CUX1: variants seen among roughly 807,000 people sequenced by gnomAD.
The protein encoded by CUX1 is cut like homeobox 1.
In CUX1, 31 loss-of-function variants were observed where a neutral mutation model predicts 158.8. The ratio of observed to expected loss-of-function variants is 0.20; its 90% CI spans 0.15 to 0.26. The LOEUF is 0.26. Ranked by LOEUF, CUX1 falls within the 10% of genes least tolerant of loss-of-function variation. The pLI is 1.00. For missense variants in CUX1, 1,589 were observed against 2,014.6 expected (o/e 0.79, Z 4.04); for synonymous variants, 879 against 862.1 (o/e 1.02, Z -0.34).
At chr7:102,105,502 A>G (rs997688873) in intron 6 of CUX1, among the ~76,000 whole-genome samples, 1 of 93,484 alleles carries the variant, frequency 1.1e-5, no homozygotes, top group Non-Finnish European at 2.1e-5. Context: ...AACCATATAG[A>G]TCTTTTTTTT....
chr7:101,901,788 C>G (rs1475404506), intron 1 of CUX1, among the ~76,000 whole-genome samples: 2 of 152,244 alleles, frequency 1.3e-5, no homozygotes, highest in African/African-American at 4.8e-5. Flanking sequence ...GAGTGAGCCA[C>G]AGGCCCGCGG....
intron 8 of CUX1, among the ~76,000 whole-genome samples, chr7:102,130,580 C>T (rs1833104000): frequency 6.6e-6 from 1 of 151,984 alleles, no homozygotes; most frequent in African/African-American, 2.4e-5. Context: ...ACTTGGGAGG[C>T]TGAGGCAGGA....
At chr7:101,893,169 TTTTTTTTTTTTTTTTTA>T (rs1258931438) in intron 1 of CUX1, among the ~76,000 whole-genome samples, 1 of 100,860 alleles carries the variant, frequency 9.9e-6, no homozygotes, top group Non-Finnish European at 1.9e-5. Flanking sequence ...TTTTTTTTTT[TTTTTTTTTTTTTTTTTA>T]AAATAGAGAT....
At position 102,257,025 on chromosome 7, in the gene CUX1, GTGGAGATTGCT is replaced by G. The variant is rs1789972010; in HGVS notation, c.*7986_*7996del. The G allele has an allele frequency of 1.0e-6, 1 of 985,314 alleles. No homozygotes were observed. The highest frequency in any genetic ancestry group is 1.2e-6 in the Non-Finnish European group (1 of 829,970). 61.0% of individuals were successfully genotyped at this position (985,314 alleles called of 1,614,324 possible). ...GGTTCAACGTGGAGGAAGGTTGGGT[GTGGAGATTGCT>G]TGCTGTGGCCCCAAGCTCAGCCAGC... is the stretch of plus-strand genomic sequence containing the variant. On this transcript the variant is annotated 3_prime_UTR_variant, in exon 24 of 24. Transcript: ENST00000292535.
Position 102,251,323 on chromosome 7 carries a change from A to G in CUX1, c.*2281A>G, listed in dbSNP as rs1157998055. ...TCCGTGTGCTTGTTAATTAACTTGT[A>G]GGACTTTGACTGTAAGATGTGAAAC... On this transcript the variant is annotated 3_prime_UTR_variant, in exon 24 of 24. Transcript: ENST00000292535. The G allele has an allele frequency of 2.0e-6, 2 of 985,196 alleles. No individual in the cohort carries two copies. The highest frequency in any genetic ancestry group is 2.4e-6 in the Non-Finnish European group (2 of 829,914). 61.0% of individuals were successfully genotyped at this position (985,196 alleles called of 1,614,324 possible).
chr7:102,108,736 T>TTTTTTGTGTGTGTGTGTGTG (rs10529873), intron 6 of CUX1, among the ~76,000 whole-genome samples: 2 of 144,970 alleles, frequency 1.4e-5, no homozygotes, highest in African/African-American at 5.2e-5. Flanking sequence ...TTCATTCATT[T>TTTTTTGTGTGTGTGTGTGTG]TGTGTGTGTG....
intron 7 of CUX1, among the ~76,000 whole-genome samples, chr7:102,114,219 A>G (rs928335919): frequency 6.6e-6 from 1 of 152,248 alleles, no homozygotes. Flanking sequence ...ACACACACAT[A>G]TATACATGCA....
intron 1 of CUX1, among the ~76,000 whole-genome samples, chr7:101,864,473 C>G (rs1797756734): frequency 1.3e-5 from 2 of 151,356 alleles, no homozygotes; most frequent in South Asian, 4.2e-4. Flanking sequence ...GGATTTTTTT[C>G]TTTTTTAATG....
chr7:101,904,477 C>T (rs1473506730), intron 1 of CUX1, among the ~76,000 whole-genome samples: 1 of 151,962 alleles, frequency 6.6e-6, no homozygotes, highest in African/African-American at 2.4e-5. Context: ...GTAAGTTTCA[C>T]TTGAATTTCC....
At chr7:101,995,333 C>A (rs1342152191) in intron 2 of CUX1, among the ~76,000 whole-genome samples, 4 of 152,170 alleles carry the variant, frequency 2.6e-5, no homozygotes, top group African/African-American at 9.7e-5. Flanking sequence ...GAAACTGTTC[C>A]CAGTCACAAA....
chr7:102,196,585 T>C (rs1031552765), intron 14 of CUX1, 49 bp from the exon 15 acceptor site: 91 of 1,407,656 alleles, frequency 6.5e-5, no homozygotes, highest in Admixed American at 7.6e-5. Flanking sequence ...GGTTTTTTTT[T>C]CCCCCTTTGG....
At chr7:102,164,768 G>A (rs1385011785) in intron 9 of CUX1, among the ~76,000 whole-genome samples, 1 of 152,188 alleles carries the variant, frequency 6.6e-6, no homozygotes, top group African/African-American at 2.4e-5. Context: ...GGGTAGGGCA[G>A]CAGGGCCTTA....
At chr7:101,920,215 G>C (rs1804753897) in intron 2 of CUX1, among the ~76,000 whole-genome samples, 1 of 151,274 alleles carries the variant, frequency 6.6e-6, no homozygotes, top group South Asian at 2.1e-4. Context: ...TCCACCTTCT[G>C]TGTTCAAGCA....
intron 11 of CUX1, among the ~76,000 whole-genome samples, chr7:102,180,497 T>G (rs1386899309): frequency 6.6e-6 from 1 of 151,884 alleles, no homozygotes; most frequent in Non-Finnish European, 1.5e-5. Flanking sequence ...AGCTAGTTTT[T>G]TAATTTTTTG....
intron 1 of CUX1, among the ~76,000 whole-genome samples, chr7:101,898,969 G>A (rs1345084331): frequency 6.6e-6 from 1 of 152,234 alleles, no homozygotes; most frequent in Admixed American, 6.5e-5. Context: ...CATAGGTGCA[G>A]CATCCCAGAG....
intron 2 of CUX1, among the ~76,000 whole-genome samples, chr7:101,964,937 A>C (rs370403570): frequency 6.6e-6 from 1 of 152,226 alleles, no homozygotes; most frequent in Admixed American, 6.5e-5. Flanking sequence ...AGGGAGCAGC[A>C]GATGAGACTT....
intron 1 of CUX1, among the ~76,000 whole-genome samples, chr7:101,884,311 T>C (rs143842620): frequency 6.6e-6 from 1 of 152,346 alleles, no homozygotes; most frequent in African/African-American, 2.4e-5. Context: ...TATATACTTA[T>C]AGTTAGCCTA....
rs1445393043 is a variant in CUX1, at chr7:102,201,023, G to A, written c.2063-337G>A. On this transcript the variant is annotated intron_variant, in intron 17 of 23. Coordinates refer to ENST00000292535, the MANE Select transcript of CUX1 (RefSeq NM_181552.4). This position sits in a 1 kb window ranked among gnomAD's most constrained non-coding sequence, Gnocchi z 5.0. ...GCCTGGACAACAGCGAGATCCTGTC[G>A]CTAAAAAAAAAAAAAAAAAAAAAAA... is the stretch of plus-strand genomic sequence containing the variant. Among the ~76,000 whole-genome samples, 6 of 57,230 alleles carry A rather than the reference G, an allele frequency of 1.0e-4. No individual in the cohort carries two copies. The East Asian group carries it at 1.2e-3, about 12-fold the overall frequency. 37.5% of individuals were successfully genotyped at this position (57,230 alleles called of 152,430 possible). A position where few individuals can be genotyped will look rare whatever the true frequency, so the allele number is the denominator to read the frequency against.
chr7:101,838,439 A>G (rs1794866709), intron 1 of CUX1, among the ~76,000 whole-genome samples: 1 of 150,874 alleles, frequency 6.6e-6, no homozygotes, highest in South Asian at 2.1e-4. Context: ...CTCACTCACC[A>G]CAATTTTTGA....
Sources: gnomAD v4.1 joint callset for allele counts (sites outside exome capture counted in the v4.1 genomes callset) on GRCh38, gnomAD v4.1.1 for gene constraint, Gnocchi (gnomAD v3.1) non-coding constraint, MANE v1.5 for transcripts, NCBI Gene and HGNC (gene_info 2026-07-23, HGNC 2026-07-21) for gene names.